Variants in VAV3 observed in about 807,000 individuals in gnomAD.
VAV3 encodes the protein vav guanine nucleotide exchange factor 3.
VAV3 carries 94 observed loss-of-function variants against 131.2 expected under a neutral mutation model. The ratio of observed to expected loss-of-function variants is 0.72; its 90% CI spans 0.61 to 0.85. The LOEUF (loss-of-function observed/expected upper bound fraction) is 0.85, where lower values mean the gene tolerates loss of function less well. Ranked by LOEUF, VAV3 falls within the 40% of genes least tolerant of loss-of-function variation. The probability of loss-of-function intolerance (pLI) is 0.00; values close to 1 mark genes in which losing one functional copy is unlikely to be tolerated. For missense variants in VAV3, 939 were observed against 1,002.7 expected, an observed-to-expected ratio of 0.94 and a Z score of 0.86; for synonymous variants, 349 against 342.0, an observed-to-expected ratio of 1.02 and a Z score of -0.22.
rs141539168 is a variant in VAV3, at chr1:107,793,536, C to T, written c.322-14044G>A. 2.6e-5 allele frequency among the ~76,000 whole-genome samples: 4 copies of T among 152,292 alleles called. No individual in the cohort carries two copies. The East Asian group carries it at 7.7e-4, about 29-fold the overall frequency. Reference sequence around the variant, plus strand: ...TAGACCACCACATGGCACACAGATGCTCAGTAACTACATCTGAACAAGGGA... The same window carrying T: ...TAGACCACCACATGGCACACAGATGTTCAGTAACTACATCTGAACAAGGGA... On this transcript the variant is annotated intron_variant, in intron 2 of 26. Transcript: ENST00000370056.
At chr1:107,922,402 T>C (rs1013382980) in intron 1 of VAV3, among the ~76,000 whole-genome samples, 1 of 152,170 alleles carries the variant, frequency 6.6e-6, no homozygotes, top group African/African-American at 2.4e-5. Context: ...CTAACAGAAA[T>C]AGCAATATCC....
chr1:107,909,652 C>T (rs1202975015), intron 1 of VAV3, among the ~76,000 whole-genome samples: 1 of 152,090 alleles, frequency 6.6e-6, no homozygotes, highest in African/African-American at 2.4e-5. Flanking sequence ...TTTCTTGCTG[C>T]ATTTAACAAA....
intron 1 of VAV3, among the ~76,000 whole-genome samples, chr1:107,946,087 C>T (rs953107926): frequency 6.6e-6 from 1 of 151,794 alleles, no homozygotes; most frequent in Non-Finnish European, 1.5e-5. Flanking sequence ...GGGGTTCACT[C>T]GATAAGATTA....
At chr1:107,651,558 G>C (rs906983284) in intron 19 of VAV3, among the ~76,000 whole-genome samples, 2 of 133,430 alleles carry the variant, frequency 1.5e-5, no homozygotes, top group African/African-American at 5.4e-5. Context: ...GGGAGGGAGG[G>C]AGGGAGGGAC....
rs562525006 is a variant in VAV3 at position 107,890,030 on chromosome 1, C to T, written c.205-15013G>A. ...TTTTATTACCTGAGAAACTTATTTA[C>T]GGCTTATACTCCAGATTTTAGCTCT... On this transcript the variant is annotated intron_variant, in intron 1 of 26. Coordinates refer to ENST00000370056, the MANE Select transcript of VAV3 (RefSeq NM_006113.5). 1.1e-4 allele frequency among the ~76,000 whole-genome samples: 16 copies of T among 152,034 alleles called. No individual in the cohort carries two copies. In the South Asian group the frequency reaches 1.9e-3, roughly 18 times the overall value.
At chr1:107,765,702 A>G (rs1034441454) in intron 8 of VAV3, among the ~76,000 whole-genome samples, 9 of 152,190 alleles carry the variant, frequency 5.9e-5, no homozygotes, top group Non-Finnish European at 7.4e-5. Flanking sequence ...GATAACTCAT[A>G]TCACATGGAA....
chr1:107,746,710 G>A lies in VAV3; in HGVS notation c.1502+2258C>T, dbSNP rs138127533. ...ATGACTATACGTTGGTCAGTATTATGTAACAGAAGCGAGTGGTATTTCTAC... is the reference window on the plus strand; with the variant it reads ...ATGACTATACGTTGGTCAGTATTATATAACAGAAGCGAGTGGTATTTCTAC... On this transcript the variant is annotated intron_variant, in intron 15 of 26. Transcript: ENST00000370056. Among the ~76,000 whole-genome samples, 13 of 152,252 alleles carry A rather than the reference G, an allele frequency of 8.5e-5. No individual in the cohort carries two copies. The East Asian group carries it at 2.5e-3, about 29-fold the overall frequency.
intron 19 of VAV3, among the ~76,000 whole-genome samples, chr1:107,656,959 T>C: frequency 6.9e-6 from 1 of 144,768 alleles, no homozygotes; most frequent in Non-Finnish European, 1.5e-5. Context: ...TTTTTTTTTT[T>C]TTTTTTTTTT....
At chr1:107,799,132 G>A (rs1190025672) in intron 2 of VAV3, among the ~76,000 whole-genome samples, 1 of 152,116 alleles carries the variant, frequency 6.6e-6, no homozygotes, top group Non-Finnish European at 1.5e-5. Flanking sequence ...ATAGAACTTT[G>A]AAAGAGTACT....
At chr1:107,942,272 C>G (rs949614994) in intron 1 of VAV3, among the ~76,000 whole-genome samples, 3 of 152,078 alleles carry the variant, frequency 2.0e-5, no homozygotes, top group Admixed American at 2.0e-4. Flanking sequence ...AGTACCCCTC[C>G]AGGACAGATG....
At chr1:107,604,204 C>T (rs182707678) in intron 22 of VAV3, among the ~76,000 whole-genome samples, 21 of 152,150 alleles carry the variant, frequency 1.4e-4, no homozygotes, top group Admixed American at 6.5e-4. Flanking sequence ...TTAATGTATC[C>T]GAAAATCCTC....
At chr1:107,720,209 T>TA (rs1265171942) in intron 15 of VAV3, among the ~76,000 whole-genome samples, 2 of 151,162 alleles carry the variant, frequency 1.3e-5, no homozygotes, top group Non-Finnish European at 2.9e-5. Flanking sequence ...TAAAGTATAA[T>TA]AAAAAAATAA....
chr1:107,791,384 C>CA (rs11358290), intron 2 of VAV3, among the ~76,000 whole-genome samples: 6 of 145,684 alleles, frequency 4.1e-5, no homozygotes, highest in African/African-American at 7.5e-5. Context: ...TTGGTGATAT[C>CA]AAAAAAAAAA....
intron 25 of VAV3, among the ~76,000 whole-genome samples, chr1:107,577,804 G>A (rs933195781): frequency 2.0e-5 from 3 of 152,140 alleles, no homozygotes; most frequent in Non-Finnish European, 4.4e-5. Flanking sequence ...GTATTTCTAG[G>A]ATTTTTTGGG....
At chr1:107,649,038 A>C (rs1458368996) in intron 19 of VAV3, among the ~76,000 whole-genome samples, 2 of 151,974 alleles carry the variant, frequency 1.3e-5, no homozygotes, top group Non-Finnish European at 2.9e-5. Flanking sequence ...TATTCTAAAA[A>C]CAGCCTCAAA....
At chr1:107,717,233 T>C (rs1661160869) in intron 15 of VAV3, among the ~76,000 whole-genome samples, 3 of 152,162 alleles carry the variant, frequency 2.0e-5, no homozygotes, top group African/African-American at 7.2e-5. Flanking sequence ...GTGTCTCTAT[T>C]TCCTTTAGTT....
intron 25 of VAV3, among the ~76,000 whole-genome samples, chr1:107,585,204 T>A (rs951597791): frequency 6.6e-6 from 1 of 152,164 alleles, no homozygotes; most frequent in East Asian, 1.9e-4. Flanking sequence ...ATACATCACA[T>A]CTGATGTGTC....
chr1:107,783,602 A>G (rs1570948308), intron 2 of VAV3, among the ~76,000 whole-genome samples: 1 of 152,250 alleles, frequency 6.6e-6, no homozygotes, highest in South Asian at 2.1e-4. Context: ...CATGGTGGAC[A>G]TGTACCATCC....
At chr1:107,660,938 T>C (rs1160280778) in intron 19 of VAV3, among the ~76,000 whole-genome samples, 1 of 151,874 alleles carries the variant, frequency 6.6e-6, no homozygotes, top group Admixed American at 6.6e-5. Context: ...TGTTCAAACA[T>C]ATGGTTGAGG....
Sources: gnomAD v4.1 joint callset for allele counts (sites outside exome capture counted in the v4.1 genomes callset) on GRCh38, gnomAD v4.1.1 for gene constraint, MANE v1.5 for transcripts, NCBI Gene and HGNC (gene_info 2026-07-23, HGNC 2026-07-21) for gene names.